The following CAMTA1 variants were observed in gnomAD, a reference collection of about 807,000 sequenced individuals.
CAMTA1 encodes the protein calmodulin binding transcription activator 1, also known as calmodulin-binding transcription activator 1.
Under a neutral mutation model 170.9 loss-of-function variants are expected in CAMTA1, and 27 were observed. The observed-to-expected ratio is 0.16, with a 90% CI of 0.12 to 0.22. CAMTA1 has a LOEUF of 0.22. Among genes scored for constraint, CAMTA1 ranks in the 10% least tolerant of loss-of-function variants. The pLI, the probability that CAMTA1 is intolerant of heterozygous loss-of-function variation, is 1.00. For missense variants in CAMTA1, 1,619 were observed against 2,217.2 expected, an observed-to-expected ratio of 0.73 and a Z score of 5.42; for synonymous variants, 833 against 891.5, an observed-to-expected ratio of 0.93 and a Z score of 1.17.
intron 3 of CAMTA1, among the ~76,000 whole-genome samples, chr1:6,937,424 C>CCATCATCACCAT (rs1250291846): frequency 6.6e-6 from 1 of 151,642 alleles, no homozygotes; most frequent in African/African-American, 2.4e-5. Flanking sequence ...ATCACCACTA[C>CCATCATCACCAT]CATCATCACC....
rs1348090284 is a variant in CAMTA1, at chr1:7,224,362, G to C, written c.303-25129G>C. Among the ~76,000 whole-genome samples, 1 of 152,178 alleles carries C rather than the reference G, an allele frequency of 6.6e-6. No homozygotes were observed. The highest frequency in any genetic ancestry group is 6.5e-5 in the Admixed American group (1 of 15,276). ...CACCGCTCTGCAGGCTCTCGTCCCA[G>C]TTGGCAAGGGCGCCACAGCTGGATG... On this transcript the variant is annotated intron_variant, in intron 4 of 22. Transcript: ENST00000303635. The surrounding 1 kb of genome is among the most constrained non-coding windows in gnomAD (Gnocchi z 5.2).
intron 3 of CAMTA1, among the ~76,000 whole-genome samples, chr1:6,904,389 G>C (rs986371364): frequency 6.6e-6 from 1 of 152,104 alleles, no homozygotes; most frequent in African/African-American, 2.4e-5. Context: ...GGCACCCTCT[G>C]AGATGGCTCT....
intron 22 of CAMTA1, 81 bp downstream of exon 22, chr1:7,755,749 C>A: frequency 1.7e-6 from 2 of 1,178,676 alleles, no homozygotes; most frequent in Non-Finnish European, 2.6e-6. Flanking sequence ...CATGAGGCTG[C>A]AGCCTAGGTA....
rs12071028 is a variant in CAMTA1, at chr1:7,651,855, G to A, written c.665-9871G>A. 4.2e-3 allele frequency among the ~76,000 whole-genome samples: 646 copies of A among 152,354 alleles called. 7 individuals are homozygous for A. The highest frequency in any genetic ancestry group is 0.015 in the African/African-American group (618 of 41,574). On this transcript the variant is annotated intron_variant, in intron 7 of 22. Coordinates refer to ENST00000303635, the MANE Select transcript of CAMTA1 (RefSeq NM_015215.4). Reference sequence around the variant, plus strand: ...CCCGACCCCAGGCCAGCACGGTGCTGCCACCCGGTCTCCCACTGTTTCTAA... The same window carrying A: ...CCCGACCCCAGGCCAGCACGGTGCTACCACCCGGTCTCCCACTGTTTCTAA...
chr1:6,814,009 G>T (rs183295613), intron 1 of CAMTA1, among the ~76,000 whole-genome samples: 20 of 152,240 alleles, frequency 1.3e-4, no homozygotes, highest in African/African-American at 4.6e-4. Context: ...TAAGTAATTT[G>T]AGCTTGTGTT....
intron 5 of CAMTA1, among the ~76,000 whole-genome samples, chr1:7,366,806 T>C (rs962296547): frequency 6.6e-6 from 1 of 152,230 alleles, no homozygotes; most frequent in Non-Finnish European, 1.5e-5. Context: ...CTTCCTGAGC[T>C]CTGTCTGTGG....
At chr1:7,423,342 T>C (rs2091689035) in intron 5 of CAMTA1, among the ~76,000 whole-genome samples, 1 of 151,888 alleles carries the variant, frequency 6.6e-6, no homozygotes. Context: ...TGGTGGTGGG[T>C]GCCTGTAATC....
At chr1:7,190,537 G>T (rs1654322710) in intron 4 of CAMTA1, among the ~76,000 whole-genome samples, 1 of 152,180 alleles carries the variant, frequency 6.6e-6, no homozygotes, top group Admixed American at 6.5e-5. Context: ...AGTTGACTGT[G>T]ATTACTTCTG....
chr1:7,019,197 G>T (rs6702309), intron 3 of CAMTA1, among the ~76,000 whole-genome samples: 15,285 of 152,240 alleles, frequency 0.1, 874 homozygotes, highest in Middle Eastern at 0.23. Context: ...CCCTGAACTC[G>T]CGGACACTCG....
In CAMTA1 at chr1:7,489,324, A is replaced by G. The variant is rs538002507; in HGVS notation, c.510+21423A>G. Among the ~76,000 whole-genome samples, 8 of 152,306 alleles carry G rather than the reference A, an allele frequency of 5.3e-5. No individual in the cohort carries two copies. In the South Asian group the frequency reaches 1.7e-3, roughly 32 times the overall value. On this transcript the variant is annotated intron_variant, in intron 6 of 22. Coordinates refer to ENST00000303635, the MANE Select transcript of CAMTA1 (RefSeq NM_015215.4). ...GAGCTCAAATCAAATCACAGCCAAG[A>G]GATCTTTCGAGGGTCTTTGCAGGGG...
chr1:6,954,215 A>T (rs183671854), intron 3 of CAMTA1, among the ~76,000 whole-genome samples: 20 of 152,284 alleles, frequency 1.3e-4, no homozygotes, highest in African/African-American at 4.6e-4. Context: ...TCGCCTGATG[A>T]TTGAGCAGGC....
At chr1:7,355,978 G>A (rs1356775881) in intron 5 of CAMTA1, among the ~76,000 whole-genome samples, 1 of 152,230 alleles carries the variant, frequency 6.6e-6, no homozygotes, top group Non-Finnish European at 1.5e-5. Context: ...GAAGATCTAG[G>A]TATGGCATCA....
intron 4 of CAMTA1, among the ~76,000 whole-genome samples, chr1:7,117,307 A>G (rs1340332661): frequency 1.3e-5 from 2 of 152,112 alleles, no homozygotes; most frequent in African/African-American, 4.8e-5. Flanking sequence ...ACTATTTTCT[A>G]TATTTTTTAT....
At chr1:6,939,760 G>A (rs1381379112) in intron 3 of CAMTA1, among the ~76,000 whole-genome samples, 4 of 152,190 alleles carry the variant, frequency 2.6e-5, no homozygotes, top group South Asian at 2.1e-4. Flanking sequence ...GTCACCCTTC[G>A]TCACGGCGCA....
At chr1:7,644,936 C>T (rs1048925089) in intron 7 of CAMTA1, among the ~76,000 whole-genome samples, 1 of 152,214 alleles carries the variant, frequency 6.6e-6, no homozygotes, top group African/African-American at 2.4e-5. Flanking sequence ...CATCTCAGTC[C>T]AAGGCCTGGC....
chr1:7,284,162 CTTCTTCTTCTTCTTCTTATTA>C (rs1444667974), intron 5 of CAMTA1, among the ~76,000 whole-genome samples: 63 of 117,386 alleles, frequency 5.4e-4, no homozygotes, highest in African/African-American at 1.5e-3. Flanking sequence ...TCTTCTTCTT[CTTCTTCTTCTTCTTCTTATTA>C]TTATTATTAT....
rs561795694 is a variant in CAMTA1 at position 7,737,452 on chromosome 1, C to G, written c.3540C>G (p.Ile1180Met). ...EQAQLGQNPR[I>M]HCPASEEPST... The stretch of plus-strand genomic sequence containing the variant: ...CTCAGCTGGGACAGAACCCCAGAAT[C>G]CACTGTCCTGCAAGCGAAGAGCCCA... The change falls in exon 15 of 23, where the codon ATC (isoleucine) becomes ATG (methionine). Residue 1180 changes from isoleucine (I) to methionine (M), a missense_variant. Physicochemically the swap from Ile to Met is conservative, Grantham distance 10. Around this residue, in one of 8 missense-constraint regions of CAMTA1, gnomAD observed 370 missense variants for 429.4 expected, o/e 0.86. Transcript: ENST00000303635. The G allele has an allele frequency of 4.3e-6, 7 of 1,614,140 alleles. No individual in the cohort carries two copies. In the South Asian group the frequency reaches 7.7e-5, roughly 18 times the overall value.
At chr1:7,189,629 A>C (rs573817003) in intron 4 of CAMTA1, among the ~76,000 whole-genome samples, 75 of 152,340 alleles carry the variant, frequency 4.9e-4, no homozygotes, top group African/African-American at 1.7e-3. Flanking sequence ...AAAATCAAAC[A>C]ATAATAGATG....
At chr1:7,490,729 G>A (rs959163548) in intron 6 of CAMTA1, among the ~76,000 whole-genome samples, 5 of 152,086 alleles carry the variant, frequency 3.3e-5, no homozygotes, top group Admixed American at 2.0e-4. Flanking sequence ...CCCAGCCACC[G>A]TGCGTTACCT....
Sources: gnomAD v4.1 joint callset for allele counts (sites outside exome capture counted in the v4.1 genomes callset) on GRCh38, gnomAD v4.1.1 for gene constraint, gnomAD v4.1.1 regional missense constraint, Gnocchi (gnomAD v3.1) non-coding constraint, MANE v1.5 for transcripts, NCBI Gene and HGNC (gene_info 2026-07-23, HGNC 2026-07-21) for gene names.